The following CYP4Z1 variants were observed in gnomAD, a reference collection of about 807,000 sequenced individuals.
CYP4Z1 encodes cytochrome P450 4Z1.
CYP4Z1 carries 41 observed loss-of-function variants against 54.2 expected under a neutral mutation model. The observed-to-expected ratio is 0.76, with a 90% confidence interval of 0.59 to 0.98. The LOEUF is 0.98. Ranked by LOEUF, CYP4Z1 falls within the 50% of genes least tolerant of loss-of-function variation. CYP4Z1 has a pLI of 0.00. For synonymous variants in CYP4Z1, 163 were observed against 206.2 expected (o/e 0.79, Z 1.79); for missense variants, 513 against 599.0 (o/e 0.86, Z 1.50).
rs1644547202 is a variant in CYP4Z1, at chr1:47,079,301, C to CT, written c.320-1316dup. ...ATCTTTTCTATCCTTTTTCAGTGGT[C>CT]TTTTTTCTGATTAAGTGTGCACCTG... On this transcript the variant is annotated intron_variant, in intron 2 of 11. Transcript: ENST00000334194. Among the ~76,000 whole-genome samples, 11 of 152,148 alleles carry CT rather than the reference C, an allele frequency of 7.2e-5. No homozygotes were observed. In the South Asian group the frequency reaches 2.3e-3, roughly 32 times the overall value.
At chr1:47,086,966 C>T (rs1423747557) in intron 6 of CYP4Z1, among the ~76,000 whole-genome samples, 1 of 152,206 alleles carries the variant, frequency 6.6e-6, no homozygotes, top group African/African-American at 2.4e-5. Flanking sequence ...TTCCTCATTT[C>T]ATGTTTTTGT....
chr1:47,064,152 A>G (rs1644438349), upstream of CYP4Z1, among the ~76,000 whole-genome samples: 1 of 138,716 alleles, frequency 7.2e-6, no homozygotes, highest in Non-Finnish European at 1.5e-5. Context: ...GCGCGATCCC[A>G]GCTCACTGCA....
In CYP4Z1 at chr1:47,106,211, G is replaced by T; in HGVS notation, c.1151G>T (p.Arg384Leu). Residue 384 changes from arginine (R) to leucine (L), a missense_variant, in exon 9 of 12, where the codon CGG becomes CTG. Transcript: ENST00000334194. ...TACGCACCGGTAGTAAACATATCCC[G>T]GTTACTCGACAAACCCATCACCTTT... The part of the protein sequence containing the change: ...RLYAPVVNIS[R>L]LLDKPITFPD... 3 of 1,613,664 alleles carry T rather than the reference G, an allele frequency of 1.9e-6. No individual in the cohort carries two copies. The highest frequency in any genetic ancestry group is 2.5e-6 in the Non-Finnish European group (3 of 1,179,906).
intron 11 of CYP4Z1, 59 bp from the exon 12 acceptor site, chr1:47,117,707 A>G: frequency 6.6e-7 from 1 of 1,525,972 alleles, no homozygotes; most frequent in Non-Finnish European, 8.8e-7. Context: ...AGATTGGCGT[A>G]TGTTGTTAAT....
Position 47,084,619 on chromosome 1 carries a change from G to A in CYP4Z1, c.493-1G>A. Reference sequence around the variant, plus strand: ...ATCATGATATTCATCCCCTGCCCCAGAACAAATGGGAGGAACACATTGCCC... The same window carrying A: ...ATCATGATATTCATCCCCTGCCCCAAAACAAATGGGAGGAACACATTGCCC... On this transcript the variant is annotated splice_acceptor_variant, in intron 4 of 11. Transcript: ENST00000334194. LOFTEE classifies it high-confidence loss of function. 1 of 1,587,460 alleles carries A rather than the reference G, an allele frequency of 6.3e-7. No homozygotes were observed. Among genetic ancestry groups the A allele is most frequent in the Non-Finnish European group, 8.6e-7 (1 of 1,168,896 alleles).
chr1:47,056,671 G>C, the CYP4Z1 span, among the ~76,000 whole-genome samples: 1 of 152,168 alleles, frequency 6.6e-6, no homozygotes, highest in Non-Finnish European at 1.5e-5. Flanking sequence ...TTACCATTAT[G>C]TAATGGCCTT....
At chr1:47,102,765 T>C (rs1644729984) in intron 8 of CYP4Z1, among the ~76,000 whole-genome samples, 1 of 152,198 alleles carries the variant, frequency 6.6e-6, no homozygotes. Flanking sequence ...TTTCTCTTCA[T>C]CTTTGACTTT....
In CYP4Z1 at chr1:47,078,155, T is replaced by C. The variant is rs187496578; in HGVS notation, c.320-2468T>C. On this transcript the variant is annotated intron_variant, in intron 2 of 11. Transcript: ENST00000334194. ...TTTTCCCTCTTTGCTCTTCTGGGAC[T>C]CCAATTATGCATATGTTAGTATGCT... 4.9e-4 allele frequency among the ~76,000 whole-genome samples: 75 copies of C among 152,334 alleles called. 1 individual carries two copies. Among genetic ancestry groups the C allele is most frequent in the African/African-American group, 1.6e-3 (67 of 41,572 alleles).
intron 10 of CYP4Z1, among the ~76,000 whole-genome samples, chr1:47,116,098 T>C (rs1384260892): frequency 6.6e-6 from 1 of 152,156 alleles, no homozygotes; most frequent in Non-Finnish European, 1.5e-5. Flanking sequence ...AGCACACTCC[T>C]GGGCTGCAAA....
At chr1:47,092,400 T>C (rs1292660434) in intron 6 of CYP4Z1, among the ~76,000 whole-genome samples, 3 of 151,876 alleles carry the variant, frequency 2.0e-5, no homozygotes, top group Non-Finnish European at 4.4e-5. Context: ...CTTCTGTACT[T>C]TCCTTCTAAT....
At chr1:47,112,790 C>A (rs1377827423) in intron 9 of CYP4Z1, among the ~76,000 whole-genome samples, 1 of 151,816 alleles carries the variant, frequency 6.6e-6, no homozygotes, top group Non-Finnish European at 1.5e-5. Context: ...AGGTCATATT[C>A]CAAAACTGAA....
At chr1:47,103,781 A>C (rs1325165041) in intron 8 of CYP4Z1, among the ~76,000 whole-genome samples, 1 of 151,302 alleles carries the variant, frequency 6.6e-6, no homozygotes, top group Admixed American at 6.6e-5. Context: ...TTTTTAGTAG[A>C]GATAGGGTTT....
chr1:47,109,556 A>G (rs930925061), intron 9 of CYP4Z1, among the ~76,000 whole-genome samples: 5 of 152,210 alleles, frequency 3.3e-5, no homozygotes, highest in African/African-American at 1.2e-4. Context: ...TCTGGCAGAG[A>G]AAAGGGGATG....
rs147199588 is a variant in CYP4Z1, at chr1:47,084,879, C to T, written c.673C>T (p.Arg225Cys). 1.3e-3 allele frequency: 2,013 copies of T among 1,535,014 alleles called. 2 individuals are homozygous for T. The highest frequency in any genetic ancestry group is 1.6e-3 in the Non-Finnish European group (1,835 of 1,142,816). The change falls in exon 6 of 12, where the codon CGC becomes TGC. Residue 225 changes from arginine to cysteine, a missense_variant. Arg to Cys is a radical substitution (Grantham distance 180). Coordinates refer to ENST00000334194, the MANE Select transcript of CYP4Z1 (RefSeq NM_178134.3). ...CAACCTTAGCAAAATCTCCAACCAG[C>T]GCATGAACAATTTTCTACATCACAA... ...VFNLSKISNQ[R>C]MNNFLHHNDL...
Position 47,117,781 on chromosome 1 carries a change from G to C in CYP4Z1, c.1365G>C (p.Gln455His). The change falls in exon 12 of 12, where the codon CAG becomes CAC. Residue 455 changes from glutamine (Q) to histidine (H), a missense_variant. Gln to His is a conservative substitution (Grantham distance 24). Transcript: ENST00000334194. ...FSAGLRNCIG[Q>H]HFAIIECKVA... is the part of the protein sequence containing the mutation. Reference sequence around the variant, plus strand: ...GTATCCCCAGGAACTGCATTGGGCAGCATTTTGCCATAATTGAGTGTAAAG... The same window carrying C: ...GTATCCCCAGGAACTGCATTGGGCACCATTTTGCCATAATTGAGTGTAAAG... 1 of 1,613,094 alleles carries C rather than the reference G, an allele frequency of 6.2e-7. No homozygotes were observed. The highest frequency in any genetic ancestry group is 8.5e-7 in the Non-Finnish European group (1 of 1,179,538).
intron 6 of CYP4Z1, among the ~76,000 whole-genome samples, chr1:47,090,537 C>A (rs1322770690): frequency 6.6e-5 from 10 of 152,306 alleles, no homozygotes; most frequent in Non-Finnish European, 1.3e-4. Flanking sequence ...AATCTCCCTG[C>A]AAATATGCGT....
At chr1:47,066,610 G>T (rs1420883622), upstream of CYP4Z1, among the ~76,000 whole-genome samples, 1 of 152,160 alleles carries the variant, frequency 6.6e-6, no homozygotes, top group Non-Finnish European at 1.5e-5. Context: ...ACAAGAGAAG[G>T]ATGCCCACTT....
intron 8 of CYP4Z1, among the ~76,000 whole-genome samples, chr1:47,102,757 T>C (rs1019406146): frequency 4.6e-5 from 7 of 152,210 alleles, no homozygotes; most frequent in Non-Finnish European, 8.8e-5. Flanking sequence ...TTTAGCATTT[T>C]CTCTTCATCT....
At chr1:47,076,599 A>G (rs1644523342) in intron 2 of CYP4Z1, among the ~76,000 whole-genome samples, 1 of 151,966 alleles carries the variant, frequency 6.6e-6, no homozygotes, top group African/African-American at 2.4e-5. Flanking sequence ...TAATCCCAGC[A>G]CTTTGGGAGG....
Sources: gnomAD v4.1 joint callset for allele counts (sites outside exome capture counted in the v4.1 genomes callset) on GRCh38, gnomAD v4.1.1 for gene constraint, MANE v1.5 for transcripts, NCBI Gene and HGNC (gene_info 2026-07-23, HGNC 2026-07-21) for gene names.